The following KIAA1143 variants were observed in gnomAD, a reference collection of about 807,000 sequenced individuals.
KIAA1143 encodes the protein uncharacterized protein KIAA1143.
A neutral mutation model predicts 17.0 loss-of-function variants in KIAA1143; 8 were observed. The observed-to-expected ratio is 0.47, with a 90% CI of 0.28 to 0.85. KIAA1143 has a LOEUF of 0.85. Ranked by LOEUF, KIAA1143 falls within the 40% of genes least tolerant of loss-of-function variation. KIAA1143 has a pLI of 0.12. For synonymous variants in KIAA1143, 64 were observed against 67.8 expected (o/e 0.94, Z 0.27); for missense variants, 162 against 183.3 (o/e 0.88, Z 0.67).
rs1271401554 is a variant in KIAA1143, at chr3:44,751,572, G to C, written c.*1769C>G. 1 of 152,106 alleles carries C rather than the reference G, an allele frequency of 6.6e-6. No individual in the cohort carries two copies. The highest frequency in any genetic ancestry group is 1.5e-5 in the Non-Finnish European group (1 of 68,008). The allele number at this position is 152,106 out of a possible 1,614,324, so 9.4% of individuals were successfully genotyped here. A position where few individuals can be genotyped will look rare whatever the true frequency, so the allele number is the denominator to read the frequency against. ...TGTCAACCAATCAGGATTAGTAAGG[G>C]ACACCACCTGAAAACTAGCTGACTG... On this transcript the variant is annotated 3_prime_UTR_variant, in exon 3 of 3. Coordinates refer to ENST00000296121, the MANE Select transcript of KIAA1143 (RefSeq NM_020696.4).
chr3:44,757,669 A>G (rs1046546132), intron 1 of KIAA1143, among the ~76,000 whole-genome samples: 5 of 152,260 alleles, frequency 3.3e-5, no homozygotes, highest in African/African-American at 1.2e-4. Context: ...AATGTTATAG[A>G]TAAGATATGG....
chr3:44,755,424 T>G (rs1704955530), intron 1 of KIAA1143, among the ~76,000 whole-genome samples: 1 of 152,218 alleles, frequency 6.6e-6, no homozygotes, highest in Non-Finnish European at 1.5e-5. Flanking sequence ...CCACTTCTCA[T>G]AGAGACTTCC....
intron 1 of KIAA1143, 45 bp downstream of exon 1, chr3:44,761,447 TGGC>T (rs533964962): frequency 5.5e-6 from 8 of 1,446,114 alleles, no homozygotes; most frequent in Non-Finnish European, 7.6e-6. Flanking sequence ...AAGTTGAAAG[TGGC>T]GGGCTGGCTG....
intron 1 of KIAA1143, among the ~76,000 whole-genome samples, chr3:44,755,285 T>C (rs1159221977): frequency 6.6e-6 from 1 of 152,188 alleles, no homozygotes; most frequent in Non-Finnish European, 1.5e-5. Context: ...CCATTTTTGC[T>C]CACTTTTGGG....
At chr3:44,760,764 C>T (rs2125882518) in intron 1 of KIAA1143, among the ~76,000 whole-genome samples, 1 of 149,526 alleles carries the variant, frequency 6.7e-6, no homozygotes, top group South Asian at 2.1e-4. Context: ...CAACTCACTG[C>T]AACGTCCACC....
At chr3:44,758,922 G>A (rs1705014952) in intron 1 of KIAA1143, among the ~76,000 whole-genome samples, 1 of 151,540 alleles carries the variant, frequency 6.6e-6, no homozygotes, top group African/African-American at 2.4e-5. Flanking sequence ...GAGTGCAGTG[G>A]TGCAATCATG....
chr3:44,758,577 C>T (rs1483801074), intron 1 of KIAA1143, among the ~76,000 whole-genome samples: 3 of 152,160 alleles, frequency 2.0e-5, no homozygotes, highest in Non-Finnish European at 4.4e-5. Context: ...AACTTAGTCA[C>T]ATTTTCAGGC....
chr3:44,752,613 G>C lies in KIAA1143; in HGVS notation c.*728C>G, dbSNP rs1575557686. The C allele has an allele frequency of 4.6e-5, 7 of 151,886 alleles. No homozygotes were observed. Among genetic ancestry groups the C allele is most frequent in the Admixed American group, 6.6e-5 (1 of 15,236 alleles). The allele number at this position is 151,886 out of a possible 1,614,324, so 9.4% of individuals were successfully genotyped here. A position where few individuals can be genotyped will look rare whatever the true frequency, so the allele number is the denominator to read the frequency against. On this transcript the variant is annotated 3_prime_UTR_variant, in exon 3 of 3. Coordinates refer to ENST00000296121, the MANE Select transcript of KIAA1143 (RefSeq NM_020696.4). ...ATGTCAGCAAGGAGCCAAGCTCTGA[G>C]TCTTTTTACTAACATGACCCAAAGC...
chr3:44,755,452 C>T (rs934233704), intron 1 of KIAA1143, among the ~76,000 whole-genome samples: 5 of 152,168 alleles, frequency 3.3e-5, no homozygotes, highest in South Asian at 4.1e-4. Context: ...CCAAACAAGG[C>T]GACAAAGCCC....
In KIAA1143 at chr3:44,761,522, G is replaced by A. The variant is rs959209839; in HGVS notation, c.81C>T (p.Tyr27=). 1.4e-5 allele frequency: 23 copies of A among 1,613,880 alleles called. No homozygotes were observed. The highest frequency in any genetic ancestry group is 1.9e-5 in the Non-Finnish European group (22 of 1,179,914). ...TAGTCTCTACGGTGGGTCCCTCCCT[G>A]TAGCCGACCCGTTCCTTGAAGCGGG... ...FLARFKERVG[Y]REGPTVETKR... is the part of the protein sequence containing the mutation. The change falls in exon 1 of 3, where the codon TAC becomes TAT. Residue 27 remains tyrosine (Y), a synonymous_variant. Transcript: ENST00000296121.
chr3:44,760,926 A>G (rs1349204670), intron 1 of KIAA1143, among the ~76,000 whole-genome samples: 1 of 151,124 alleles, frequency 6.6e-6, no homozygotes, highest in Non-Finnish European at 1.5e-5. Context: ...TCCTGACCTC[A>G]GGTGATCCGC....
chr3:44,760,346 T>G (rs894614226), intron 1 of KIAA1143, among the ~76,000 whole-genome samples: 3 of 152,240 alleles, frequency 2.0e-5, no homozygotes, highest in African/African-American at 7.2e-5. Flanking sequence ...AAGCTCCTCT[T>G]CTTCTATTTA....
At chr3:44,755,745 A>G (rs1704959245) in intron 1 of KIAA1143, among the ~76,000 whole-genome samples, 1 of 152,206 alleles carries the variant, frequency 6.6e-6, no homozygotes, top group African/African-American at 2.4e-5. Flanking sequence ...GGTAGCATGT[A>G]TTGCACTGTG....
chr3:44,760,453 G>C (rs1445964711), intron 1 of KIAA1143, among the ~76,000 whole-genome samples: 2 of 151,274 alleles, frequency 1.3e-5, no homozygotes, highest in African/African-American at 4.9e-5. Context: ...GCAGTGGCGC[G>C]ATCTCGGCTC....
In KIAA1143 at chr3:44,749,136, C is replaced by T. The variant is rs956619441; in HGVS notation, c.*4205G>A. The T allele has an allele frequency of 6.6e-6, 1 of 152,220 alleles. No individual in the cohort carries two copies. The highest frequency in any genetic ancestry group is 1.5e-5 in the Non-Finnish European group (1 of 68,080). The allele number at this position is 152,220 out of a possible 1,614,324, so 9.4% of individuals were successfully genotyped here. A position where few individuals can be genotyped will look rare whatever the true frequency, so the allele number is the denominator to read the frequency against. ...AGGCGCGGTGGCTCCTGCCTGTAAT[C>T]CCAGCACTTTGGGAGGCCGAGGCAG... On this transcript the variant is annotated 3_prime_UTR_variant, in exon 3 of 3. Transcript: ENST00000296121.
chr3:44,761,431 A>C (rs1318810628), intron 1 of KIAA1143, 64 bp downstream of exon 1: 1 of 1,335,216 alleles, frequency 7.5e-7, no homozygotes, highest in African/African-American at 1.4e-5. Flanking sequence ...CTCCAAGTAG[A>C]GGCAAAAGTT....
At chr3:44,757,034 G>A (rs950810903) in intron 1 of KIAA1143, among the ~76,000 whole-genome samples, 5 of 152,146 alleles carry the variant, frequency 3.3e-5, no homozygotes, top group Admixed American at 1.3e-4. Context: ...TTCTCTAAGG[G>A]AAATTCCCTT....
intron 1 of KIAA1143, among the ~76,000 whole-genome samples, chr3:44,758,758 G>A (rs182151722): frequency 3.4e-4 from 52 of 152,090 alleles, no homozygotes; most frequent in Non-Finnish European, 6.8e-4. Flanking sequence ...TGTTCTTAAC[G>A]TGTTTAGAAT....
Position 44,750,891 on chromosome 3 carries a change from C to CT in KIAA1143, c.*2449dup, listed in dbSNP as rs1343700498. 9.1e-6 allele frequency: 1 copy of CT among 110,054 alleles called. No homozygotes were observed. Among genetic ancestry groups the CT allele is most frequent in the Non-Finnish European group, 1.8e-5 (1 of 55,332 alleles). The allele number at this position is 110,054 out of a possible 1,614,324, so 6.8% of individuals were successfully genotyped here. ...GAGCTATTTATAGCCTTGAAATACA[C>CT]TTTAAGTGTATTGAGTATTCTAATT... On this transcript the variant is annotated 3_prime_UTR_variant, in exon 3 of 3. Transcript: ENST00000296121.
Sources: allele counts gnomAD v4.1 joint callset (sites outside exome capture counted in the v4.1 genomes callset), GRCh38; gene constraint gnomAD v4.1.1; transcripts MANE v1.5; gene names NCBI Gene and HGNC (gene_info 2026-07-23, HGNC 2026-07-21).